Variants in ATRNL1 observed in about 807,000 individuals in gnomAD.
ATRNL1 encodes the protein attractin like 1.
In ATRNL1, 95 loss-of-function variants were observed where a neutral mutation model predicts 182.7. That is an observed-to-expected ratio of 0.52 (90% CI 0.44 to 0.62). ATRNL1 has a LOEUF of 0.62. Among genes scored for constraint, ATRNL1 ranks in the 20% least tolerant of loss-of-function variants. The probability of loss-of-function intolerance (pLI) is 0.00; values close to 1 mark genes in which losing one functional copy is unlikely to be tolerated. For synonymous variants in ATRNL1, 576 were observed against 568.3 expected (o/e 1.01, Z -0.19); for missense variants, 1,471 against 1,679.5 (o/e 0.88, Z 2.17).
chr10:115,487,922 T>C (rs1554975567), intron 24 of ATRNL1, among the ~76,000 whole-genome samples: 1 of 152,090 alleles, frequency 6.6e-6, no homozygotes, highest in Admixed American at 6.6e-5. Flanking sequence ...TTATTGAGAG[T>C]TTTTAGTATG....
chr10:115,500,444 A>T (rs1275814300), intron 24 of ATRNL1, among the ~76,000 whole-genome samples: 1 of 151,690 alleles, frequency 6.6e-6, no homozygotes, highest in Non-Finnish European at 1.5e-5. Flanking sequence ...AGTTTTTGAA[A>T]TTTTTTTTTC....
chr10:115,927,727 T>C (rs1162074581), intron 28 of ATRNL1, among the ~76,000 whole-genome samples: 1 of 152,108 alleles, frequency 6.6e-6, no homozygotes, highest in African/African-American at 2.4e-5. Context: ...TTTGACAATA[T>C]TTTATTGACT....
chr10:115,277,490 A>G (rs1374930639), intron 13 of ATRNL1, among the ~76,000 whole-genome samples: 1 of 152,104 alleles, frequency 6.6e-6, no homozygotes, highest in Non-Finnish European at 1.5e-5. Context: ...GATAGCTATA[A>G]CTTAATTTTA....
intron 26 of ATRNL1, among the ~76,000 whole-genome samples, chr10:115,672,044 G>A (rs1945712329): frequency 1.3e-5 from 2 of 151,718 alleles, no homozygotes; most frequent in African/African-American, 2.4e-5. Context: ...AATATTTTTG[G>A]TCACGACCTC....
intron 27 of ATRNL1, among the ~76,000 whole-genome samples, chr10:115,780,710 G>C (rs561042402): frequency 6.6e-5 from 10 of 152,304 alleles, no homozygotes; most frequent in African/African-American, 1.9e-4. Context: ...TCCTGGGCCA[G>C]AAGGGAATCT....
chr10:115,384,894 C>T (rs782089198), intron 19 of ATRNL1, among the ~76,000 whole-genome samples: 2 of 151,074 alleles, frequency 1.3e-5, no homozygotes, highest in African/African-American at 2.4e-5. Context: ...TCTGGATATA[C>T]CACATTTTGT....
At chr10:115,517,920 T>A (rs1271644812) in intron 24 of ATRNL1, among the ~76,000 whole-genome samples, 1 of 151,886 alleles carries the variant, frequency 6.6e-6, no homozygotes, top group African/African-American at 2.4e-5. Flanking sequence ...TCTTTTATAA[T>A]ATTTTCACCT....
intron 1 of ATRNL1, among the ~76,000 whole-genome samples, chr10:115,111,472 G>T (rs1384960117): frequency 6.6e-6 from 1 of 152,180 alleles, no homozygotes; most frequent in Non-Finnish European, 1.5e-5. Context: ...CGGGGCTCAG[G>T]CTGCGTCTAC....
At chr10:115,592,213 G>A (rs1321254861) in intron 26 of ATRNL1, among the ~76,000 whole-genome samples, 1 of 152,060 alleles carries the variant, frequency 6.6e-6, no homozygotes, top group Non-Finnish European at 1.5e-5. Flanking sequence ...AAAACTATTG[G>A]GTACTGTGCT....
At chr10:115,414,431 A>G (rs1306389060) in intron 20 of ATRNL1, among the ~76,000 whole-genome samples, 1 of 151,268 alleles carries the variant, frequency 6.6e-6, no homozygotes, top group Non-Finnish European at 1.5e-5. Context: ...CCATCAATAT[A>G]GAGATAGGAT....
At chr10:115,234,147 A>G (rs1030514324) in intron 9 of ATRNL1, among the ~76,000 whole-genome samples, 1 of 152,044 alleles carries the variant, frequency 6.6e-6, no homozygotes, top group Non-Finnish European at 1.5e-5. Context: ...TACTGAATTC[A>G]ATATAATAGT....
At chr10:115,806,151 G>T (rs1249635584) in intron 27 of ATRNL1, among the ~76,000 whole-genome samples, 1 of 152,054 alleles carries the variant, frequency 6.6e-6, no homozygotes. Flanking sequence ...GTGTTTCTTG[G>T]ATTCCTTTTA....
At chr10:115,525,703 T>G (rs1851175359) in intron 25 of ATRNL1, among the ~76,000 whole-genome samples, 1 of 152,138 alleles carries the variant, frequency 6.6e-6, no homozygotes, top group Non-Finnish European at 1.5e-5. Flanking sequence ...TACTGGACAT[T>G]GCATTTTTCA....
chr10:115,252,127 A>G (rs1554905509), intron 10 of ATRNL1, among the ~76,000 whole-genome samples: 1 of 152,084 alleles, frequency 6.6e-6, no homozygotes, highest in Non-Finnish European at 1.5e-5. Context: ...CCCGGGTTCA[A>G]GCAATTCTCC....
chr10:115,116,294 T>C (rs1554869936), intron 1 of ATRNL1, among the ~76,000 whole-genome samples: 3 of 152,106 alleles, frequency 2.0e-5, no homozygotes, highest in African/African-American at 7.2e-5. Flanking sequence ...AAAAAGTTGT[T>C]TGAAACTTGG....
chr10:115,722,083 A>G (rs1036288067), intron 26 of ATRNL1, among the ~76,000 whole-genome samples: 9 of 152,228 alleles, frequency 5.9e-5, no homozygotes, highest in South Asian at 4.1e-4. Flanking sequence ...GTTAATACAA[A>G]TATTGCAAAA....
intron 24 of ATRNL1, among the ~76,000 whole-genome samples, chr10:115,474,483 C>T (rs574333276): frequency 6.3e-4 from 96 of 151,338 alleles, no homozygotes; most frequent in African/African-American, 2.2e-3. Flanking sequence ...ACATCTGAAT[C>T]TCTCATAAGA....
intron 19 of ATRNL1, among the ~76,000 whole-genome samples, chr10:115,338,490 C>A (rs1372891722): frequency 6.6e-6 from 1 of 152,150 alleles, no homozygotes; most frequent in Non-Finnish European, 1.5e-5. Context: ...ATTTTGAGCA[C>A]CTTTGCATAT....
chr10:115,350,018 T>G (rs1450161317), intron 19 of ATRNL1, among the ~76,000 whole-genome samples: 1 of 152,112 alleles, frequency 6.6e-6, no homozygotes, highest in Non-Finnish European at 1.5e-5. Context: ...CTCGAAATCT[T>G]TGCCCAGACC....
Sources: allele counts gnomAD v4.1 joint callset (sites outside exome capture counted in the v4.1 genomes callset), GRCh38; gene constraint gnomAD v4.1.1; transcripts MANE v1.5; gene names NCBI Gene and HGNC (gene_info 2026-07-23, HGNC 2026-07-21).